FKBP6: variants seen among roughly 807,000 people sequenced by gnomAD.
The protein encoded by FKBP6 is FKBP prolyl isomerase family member 6 (inactive).
Under a neutral mutation model 41.7 loss-of-function variants are expected in FKBP6, and 29 were observed. That is an observed-to-expected ratio of 0.70 (90% CI 0.52 to 0.95). The LOEUF is 0.95. Ranked by LOEUF, FKBP6 falls within the 40% of genes least tolerant of loss-of-function variation. The pLI, the probability that FKBP6 is intolerant of heterozygous loss-of-function variation, is 0.00. For synonymous variants in FKBP6, 130 were observed against 165.1 expected (o/e 0.79, Z 1.63); for missense variants, 338 against 408.7 (o/e 0.83, Z 1.49).
At chr7:73,355,140 CT>C (rs1196892590) in intron 8 of FKBP6, among the ~76,000 whole-genome samples, 1 of 152,210 alleles carries the variant, frequency 6.6e-6, no homozygotes, top group African/African-American at 2.4e-5. Flanking sequence ...GTCCCTGTGC[CT>C]TTTCCGAGGC....
At chr7:73,330,596 A>G (rs1227195343) in intron 4 of FKBP6, among the ~76,000 whole-genome samples, 3 of 152,134 alleles carry the variant, frequency 2.0e-5, no homozygotes, top group African/African-American at 7.2e-5. Context: ...AGTGGTTTGA[A>G]CTGATTTTTC....
rs1554547467 is a variant in FKBP6 at position 73,330,337 on chromosome 7, T to C, written c.453T>C (p.Phe151=). The C allele has an allele frequency of 1.2e-6, 2 of 1,613,328 alleles. No homozygotes were observed. The highest frequency in any genetic ancestry group is 2.2e-5 in the East Asian group (1 of 44,882). Residue 151 remains phenylalanine (F), a synonymous_variant, in exon 4 of 9, where the codon TTT becomes TTC. Transcript: ENST00000252037. The stretch of plus-strand genomic sequence containing the variant: ...TGGACTGTGCTGAGTCAGACAAGTT[T>C]TGTGCTCTCTCAGCTGTAAGTTCCA... The part of the protein sequence containing the change: ...DFLDCAESDK[F]CALSAEQQDQ...
At chr7:73,348,451 A>T (rs1554550630) in intron 8 of FKBP6, among the ~76,000 whole-genome samples, 1 of 152,198 alleles carries the variant, frequency 6.6e-6, no homozygotes, top group East Asian at 1.9e-4. Context: ...AGGGAAGCCT[A>T]TTTCCTTCTA....
intron 8 of FKBP6, among the ~76,000 whole-genome samples, chr7:73,356,845 A>G (rs1368180776): frequency 1.3e-5 from 2 of 152,242 alleles, no homozygotes; most frequent in East Asian, 3.9e-4. Flanking sequence ...CAGTGGCGTG[A>G]TCTCGGCTCA....
At chr7:73,331,968 A>G (rs61394056) in intron 5 of FKBP6, among the ~76,000 whole-genome samples, 192 bp downstream of exon 5, 3 of 151,984 alleles carry the variant, frequency 2.0e-5, no homozygotes, top group African/African-American at 7.2e-5. Flanking sequence ...GGTTCACGCC[A>G]TTCTCCTGCC....
intron 8 of FKBP6, among the ~76,000 whole-genome samples, chr7:73,345,616 A>G (rs1308440357): frequency 1.3e-5 from 2 of 152,188 alleles, no homozygotes; most frequent in African/African-American, 4.8e-5. Flanking sequence ...GTGTCTGGAA[A>G]GGAGCTGTGA....
intron 8 of FKBP6, among the ~76,000 whole-genome samples, chr7:73,357,884 A>C (rs1441204305): frequency 6.6e-6 from 1 of 151,598 alleles, no homozygotes; most frequent in Non-Finnish European, 1.5e-5. Context: ...GCTACTCAGG[A>C]GGCTGAAGCA....
chr7:73,344,284 A>G (rs1805276977), intron 8 of FKBP6, among the ~76,000 whole-genome samples: 1 of 152,260 alleles, frequency 6.6e-6, no homozygotes. Flanking sequence ...GCTGGGCAGC[A>G]GTTTTCCTCG....
intron 8 of FKBP6, among the ~76,000 whole-genome samples, chr7:73,357,722 C>T (rs1251678661): frequency 2.0e-5 from 3 of 151,962 alleles, no homozygotes; most frequent in Admixed American, 1.3e-4. Flanking sequence ...GGGTAGCTCA[C>T]GCCTGTAATC....
intron 5 of FKBP6, chr7:73,336,650 G>T: frequency 4.7e-6 from 2 of 428,952 alleles, no homozygotes; most frequent in Non-Finnish European, 9.4e-6. Context: ...CTACAAACAG[G>T]GGTCCACCTC....
At chr7:73,343,955 C>T (rs17146012) in intron 8 of FKBP6, among the ~76,000 whole-genome samples, 4,776 of 152,250 alleles carry the variant, frequency 0.031, 243 homozygotes, top group African/African-American at 0.11. Flanking sequence ...ATTTTCATAG[C>T]GGTCCATAAA....
intron 8 of FKBP6, among the ~76,000 whole-genome samples, chr7:73,356,850 G>T (rs1441604268): frequency 2.6e-5 from 4 of 152,098 alleles, no homozygotes; most frequent in African/African-American, 9.7e-5. Flanking sequence ...GCGTGATCTC[G>T]GCTCACTGCA....
At chr7:73,357,883 G>A (rs1563327186) in intron 8 of FKBP6, among the ~76,000 whole-genome samples, 1 of 151,704 alleles carries the variant, frequency 6.6e-6, no homozygotes, top group Non-Finnish European at 1.5e-5. Flanking sequence ...AGCTACTCAG[G>A]AGGCTGAAGC....
At position 73,340,389 on chromosome 7, in the gene FKBP6, C is replaced by T. The variant is rs150935395; in HGVS notation, c.589-249C>T. On this transcript the variant is annotated intron_variant, in intron 5 of 8. Coordinates refer to ENST00000252037, the MANE Select transcript of FKBP6 (RefSeq NM_003602.5). Reference sequence around the variant, plus strand: ...AAAATTAGCCGGGCATGGTGGTGCACACCTGTAGTCCCAGCTACTCAGAAG... The same window carrying T: ...AAAATTAGCCGGGCATGGTGGTGCATACCTGTAGTCCCAGCTACTCAGAAG... Among the ~76,000 whole-genome samples the T allele has an allele frequency of 7.9e-4, 120 of 152,210 alleles. 3 individuals are homozygous for T. The East Asian group carries it at 0.022, about 28-fold the overall frequency.
At chr7:73,354,351 G>A (rs1423005170) in intron 8 of FKBP6, among the ~76,000 whole-genome samples, 2 of 152,254 alleles carry the variant, frequency 1.3e-5, no homozygotes, top group African/African-American at 4.8e-5. Context: ...TGCAGGAAGT[G>A]CAGCAGTCAG....
In FKBP6 at chr7:73,329,345, T is replaced by G. The variant is rs369034479; in HGVS notation, c.176-15T>G. The G allele has an allele frequency of 2.0e-4, 304 of 1,510,306 alleles. No individual in the cohort carries two copies. The highest frequency in any genetic ancestry group is 2.6e-4 in the Non-Finnish European group (286 of 1,085,498). The allele number at this position is 1,510,306 out of a possible 1,614,324, so 93.6% of individuals were successfully genotyped here. ...TTTTTGGTCCATTTTCCTTACATTC[T>G]TTCTTCTATCCTAGTGAAATACTCG... On this transcript the variant is annotated splice_polypyrimidine_tract_variant and intron_variant, in intron 2 of 8. Coordinates refer to ENST00000252037, the MANE Select transcript of FKBP6 (RefSeq NM_003602.5).
At chr7:73,334,648 G>T (rs782336034) in intron 5 of FKBP6, among the ~76,000 whole-genome samples, 45 of 151,956 alleles carry the variant, frequency 3.0e-4, no homozygotes, top group Non-Finnish European at 2.4e-4. Context: ...AAATTGAAGG[G>T]CTATTTGTTC....
At chr7:73,344,722 C>G (rs1444087172) in intron 8 of FKBP6, among the ~76,000 whole-genome samples, 2 of 152,076 alleles carry the variant, frequency 1.3e-5, no homozygotes, top group African/African-American at 4.8e-5. Flanking sequence ...GTAGCTGGGA[C>G]TGCAGGTGTG....
chr7:73,332,487 C>A (rs1804877996), intron 5 of FKBP6, among the ~76,000 whole-genome samples: 1 of 150,268 alleles, frequency 6.7e-6, no homozygotes, highest in African/African-American at 2.5e-5. Flanking sequence ...AAAAAAACTC[C>A]CATCTCAAAA....
Sources: allele counts gnomAD v4.1 joint callset (sites outside exome capture counted in the v4.1 genomes callset), GRCh38; gene constraint gnomAD v4.1.1; transcripts MANE v1.5; gene names NCBI Gene and HGNC (gene_info 2026-07-23, HGNC 2026-07-21).